The following PCDH9 variants were observed in gnomAD, a reference collection of about 807,000 sequenced individuals.
The protein encoded by PCDH9 is protocadherin-9.
PCDH9 carries 24 observed loss-of-function variants against 70.6 expected under a neutral mutation model. That is an observed-to-expected ratio of 0.34 (90% CI 0.25 to 0.48). The LOEUF is 0.48. Ranked by LOEUF, PCDH9 falls within the 20% of genes least tolerant of loss-of-function variation. PCDH9 has a pLI of 0.99. For synonymous variants in PCDH9, 562 were observed against 558.5 expected (o/e 1.01, Z -0.09); for missense variants, 1,281 against 1,503.6 (o/e 0.85, Z 2.45).
intron 2 of PCDH9, among the ~76,000 whole-genome samples, chr13:67,011,523 C>G (rs867296982): frequency 6.6e-6 from 1 of 151,818 alleles, no homozygotes; most frequent in Admixed American, 6.6e-5. Flanking sequence ...GAGTATTATT[C>G]GTATGCCAAA....
chr13:66,448,128 C>T (rs750721904), intron 4 of PCDH9, among the ~76,000 whole-genome samples: 3 of 152,034 alleles, frequency 2.0e-5, no homozygotes, highest in African/African-American at 4.8e-5. Context: ...GTTATTGGCT[C>T]TTTAGGAAGC....
chr13:66,595,614 G>A (rs1288353672), intron 4 of PCDH9, among the ~76,000 whole-genome samples: 1 of 151,544 alleles, frequency 6.6e-6, no homozygotes, highest in East Asian at 1.9e-4. Context: ...TGATTTGTTA[G>A]AAGATTGTTT....
At chr13:66,454,401 G>T (rs1004473991) in intron 4 of PCDH9, among the ~76,000 whole-genome samples, 1 of 152,118 alleles carries the variant, frequency 6.6e-6, no homozygotes, top group African/African-American at 2.4e-5. Flanking sequence ...TTAGAGGAAA[G>T]GTTGTAGGGA....
At chr13:66,441,023 T>C (rs929693992) in intron 4 of PCDH9, among the ~76,000 whole-genome samples, 9 of 152,346 alleles carry the variant, frequency 5.9e-5, no homozygotes, top group African/African-American at 2.2e-4. Context: ...TCTGTCTTTA[T>C]TGAATTTTAA....
chr13:66,420,616 C>A (rs1007755971), intron 4 of PCDH9, among the ~76,000 whole-genome samples: 1 of 152,146 alleles, frequency 6.6e-6, no homozygotes, highest in African/African-American at 2.4e-5. Context: ...GGAAAACTAA[C>A]AAACAGAAAG....
intron 4 of PCDH9, among the ~76,000 whole-genome samples, chr13:66,533,628 C>T (rs9529086): frequency 0.24 from 35,908 of 151,966 alleles, 4,729 homozygotes; most frequent in South Asian, 0.34. Flanking sequence ...ATAGACATGA[C>T]ATAAAAGTTG....
chr13:66,341,385 T>A (rs560721518), intron 4 of PCDH9, among the ~76,000 whole-genome samples: 17 of 152,280 alleles, frequency 1.1e-4, no homozygotes, highest in African/African-American at 4.1e-4. Flanking sequence ...TGAGCCACCA[T>A]GCCTGGCCAA....
chr13:66,873,285 A>T (rs970111284), intron 3 of PCDH9, among the ~76,000 whole-genome samples: 1 of 152,172 alleles, frequency 6.6e-6, no homozygotes, highest in Non-Finnish European at 1.5e-5. Flanking sequence ...ATAAAAATTA[A>T]ATTATAGGGG....
At chr13:66,874,914 A>AGTGTGTGTGTGTGTGTGT (rs36045690) in intron 3 of PCDH9, among the ~76,000 whole-genome samples, 12 of 137,472 alleles carry the variant, frequency 8.7e-5, no homozygotes, top group African/African-American at 3.1e-4. Context: ...CAAAAGCAGC[A>AGTGTGTGTGTGTGTGTGT]GTGTGTGTGT....
At chr13:66,487,136 G>T (rs1431735338) in intron 4 of PCDH9, among the ~76,000 whole-genome samples, 3 of 152,140 alleles carry the variant, frequency 2.0e-5, no homozygotes, top group East Asian at 1.9e-4. Context: ...ATATGCATTT[G>T]CAAGTGTTTT....
rs1214427456 is a variant in PCDH9 at position 67,142,599 on chromosome 13, G to T, written c.3036+82806C>A. ...ATGAGCAAAGACAACCTTTGAGAGT[G>T]TATAGTGGTATTAAAAAAGAGTAAA... On this transcript the variant is annotated intron_variant, in intron 2 of 4. Transcript: ENST00000377865. Among the ~76,000 whole-genome samples, 3 of 152,148 alleles carry T rather than the reference G, an allele frequency of 2.0e-5. 1 individual carries two copies. The highest frequency in any genetic ancestry group is 4.4e-5 in the Non-Finnish European group (3 of 68,028).
intron 3 of PCDH9, among the ~76,000 whole-genome samples, chr13:66,836,669 T>C (rs1031234025): frequency 6.6e-6 from 1 of 152,196 alleles, no homozygotes; most frequent in African/African-American, 2.4e-5. Context: ...CCCCAACTTT[T>C]GCTATATTGT....
At chr13:67,215,239 T>C (rs1282647958) in intron 2 of PCDH9, 3 of 151,930 alleles carry the variant, frequency 2.0e-5, no homozygotes, top group Non-Finnish European at 4.4e-5. Flanking sequence ...ATAAGTTCTA[T>C]TAGACACCAA....
At position 66,682,283 on chromosome 13, in the gene PCDH9, GT is replaced by G. The variant is rs748433655; in HGVS notation, c.3139-50873del. Among the ~76,000 whole-genome samples the G allele has an allele frequency of 1.9e-4, 29 of 151,926 alleles. 1 individual carries two copies. Among genetic ancestry groups the G allele is most frequent in the Admixed American group, 1.1e-3 (16 of 15,226 alleles). On this transcript the variant is annotated intron_variant, in intron 3 of 4. Coordinates refer to ENST00000377865, the MANE Select transcript of PCDH9 (RefSeq NM_203487.3). ...CGCCATTATAACACATAAAATTTTT[GT>G]GTCACTTCAGGCAATATTACCTCCT...
At chr13:66,313,839 G>A (rs1955605459) in intron 4 of PCDH9, among the ~76,000 whole-genome samples, 1 of 151,874 alleles carries the variant, frequency 6.6e-6, no homozygotes, top group African/African-American at 2.4e-5. Context: ...TTTAAGCATT[G>A]GATAAATGGG....
At chr13:66,616,484 C>CTATTTTTT (rs2077357397) in intron 4 of PCDH9, among the ~76,000 whole-genome samples, 1 of 116,672 alleles carries the variant, frequency 8.6e-6, no homozygotes, top group African/African-American at 3.2e-5. Context: ...TTCTAAAATT[C>CTATTTTTT]TTTTTTTTTT....
At position 67,121,340 on chromosome 13, in the gene PCDH9, T is replaced by C. The variant is rs557923777; in HGVS notation, c.3036+104065A>G. On this transcript the variant is annotated intron_variant, in intron 2 of 4. Coordinates refer to ENST00000377865, the MANE Select transcript of PCDH9 (RefSeq NM_203487.3). The stretch of plus-strand genomic sequence containing the variant: ...ACAAGCAAACAGTGAGTATGAGCTA[T>C]CATTTTAAAATGTGTTGAACCTGCA... Among the ~76,000 whole-genome samples the C allele has an allele frequency of 4.6e-5, 7 of 152,320 alleles. 1 individual carries two copies. The South Asian group carries it at 1.2e-3, about 27-fold the overall frequency.
At chr13:66,394,707 A>G (rs978160223) in intron 4 of PCDH9, among the ~76,000 whole-genome samples, 2 of 152,182 alleles carry the variant, frequency 1.3e-5, no homozygotes, top group Non-Finnish European at 2.9e-5. Flanking sequence ...TAAAGACAAA[A>G]TGTAATTAAT....
At chr13:66,929,685 C>T (rs1566299927) in intron 2 of PCDH9, among the ~76,000 whole-genome samples, 1 of 152,088 alleles carries the variant, frequency 6.6e-6, no homozygotes, top group South Asian at 2.1e-4. Context: ...CAAAAACACT[C>T]GTTCCTATGA....
Sources: gnomAD v4.1 joint callset for allele counts (sites outside exome capture counted in the v4.1 genomes callset) on GRCh38, gnomAD v4.1.1 for gene constraint, MANE v1.5 for transcripts, NCBI Gene and HGNC (gene_info 2026-07-23, HGNC 2026-07-21) for gene names.